Variants in PLCG2 observed in about 807,000 individuals in gnomAD.
The protein encoded by PLCG2 is 1-phosphatidylinositol 4,5-bisphosphate phosphodiesterase gamma-2.
PLCG2 carries 69 observed loss-of-function variants against 175.6 expected under a neutral mutation model. The observed-to-expected ratio is 0.39, with a 90% CI of 0.32 to 0.48. PLCG2 has a LOEUF of 0.48. PLCG2 is among the 20% of genes least tolerant of loss of function. The pLI is 0.91. For missense variants in PLCG2, 1,798 were observed against 1,650.9 expected (o/e 1.09, Z -1.54); for synonymous variants, 827 against 624.0 (o/e 1.33, Z -4.85).
chr16:81,853,330 CA>C (rs10579049), intron 2 of PLCG2, among the ~76,000 whole-genome samples: 31,241 of 143,948 alleles, frequency 0.22, 3,232 homozygotes, highest in African/African-American at 0.24. Flanking sequence ...GATTCTGTCT[CA>C]AAAAAAAAAA....
intron 19 of PLCG2, among the ~76,000 whole-genome samples, chr16:81,913,005 T>C (rs765752386): frequency 3.3e-5 from 5 of 152,206 alleles, no homozygotes; most frequent in African/African-American, 4.8e-5. Context: ...AGGAGGAAAC[T>C]GAGGCACAGC....
intron 32 of PLCG2, among the ~76,000 whole-genome samples, chr16:81,957,295 TCAAACAAACAAA>T (rs140592379): frequency 0.098 from 14,891 of 151,788 alleles, 777 homozygotes; most frequent in Non-Finnish European, 0.12. Context: ...GGAGACTCTG[TCAAACAAACAAA>T]CAAACAAACA....
At chr16:81,771,683 C>G (rs1209131513) in intron 2 of PLCG2, among the ~76,000 whole-genome samples, 1 of 151,860 alleles carries the variant, frequency 6.6e-6, no homozygotes, top group Non-Finnish European at 1.5e-5. Flanking sequence ...CCCCCCAACC[C>G]CCCACCCAAA....
chr16:81,880,143 A>AT (rs1567513372), intron 7 of PLCG2, among the ~76,000 whole-genome samples: 1 of 152,210 alleles, frequency 6.6e-6, no homozygotes, highest in Non-Finnish European at 1.5e-5. Context: ...CAGGAAGCTA[A>AT]TACAGGAAGA....
chr16:81,877,973 A>ATTTTTTT (rs71146052), intron 7 of PLCG2, among the ~76,000 whole-genome samples: 9 of 55,758 alleles, frequency 1.6e-4, no homozygotes, highest in Admixed American at 3.1e-4. Flanking sequence ...TTTTTTTTTA[A>ATTTTTTT]TTTTTTTTTT....
intron 7 of PLCG2, among the ~76,000 whole-genome samples, chr16:81,880,369 G>A (rs919985241): frequency 3.3e-5 from 5 of 152,164 alleles, no homozygotes; most frequent in African/African-American, 1.2e-4. Flanking sequence ...CTGTGTCTAC[G>A]CGCTTTTCCT....
intron 14 of PLCG2, among the ~76,000 whole-genome samples, chr16:81,903,278 C>T (rs188493312): frequency 4.2e-4 from 64 of 152,290 alleles, no homozygotes; most frequent in Non-Finnish European, 7.2e-4. Context: ...ATACATTGGA[C>T]ACAATCCTTA....
chr16:81,909,267 G>A (rs1407239847), intron 17 of PLCG2, among the ~76,000 whole-genome samples: 1 of 152,156 alleles, frequency 6.6e-6, no homozygotes, highest in Non-Finnish European at 1.5e-5. Context: ...GCAACATAAA[G>A]GGACATCCCT....
At chr16:81,904,334 C>G (rs1229648726) in intron 14 of PLCG2, among the ~76,000 whole-genome samples, 3 of 152,174 alleles carry the variant, frequency 2.0e-5, no homozygotes, top group Non-Finnish European at 2.9e-5. Context: ...GGTAATAGGC[C>G]CTGAATTCAA....
intron 7 of PLCG2, 22 bp from the exon 8 acceptor site, chr16:81,880,888 T>C (rs762593153): frequency 1.9e-6 from 3 of 1,613,288 alleles, no homozygotes; most frequent in East Asian, 2.2e-5. Flanking sequence ...GTTCTTTTTT[T>C]TGTGTGTGCT....
intron 22 of PLCG2, among the ~76,000 whole-genome samples, chr16:81,924,300 G>A (rs1010100836): frequency 1.3e-5 from 2 of 152,266 alleles, no homozygotes; most frequent in Non-Finnish European, 2.9e-5. Flanking sequence ...GCACCTCATA[G>A]ACTGGCATTT....
intron 9 of PLCG2, among the ~76,000 whole-genome samples, chr16:81,886,276 A>C (rs1908362055): frequency 6.6e-6 from 1 of 152,174 alleles, no homozygotes; most frequent in Non-Finnish European, 1.5e-5. Context: ...GGGCCAGGAG[A>C]AAGTGTAGGA....
chr16:81,886,245 C>A (rs1368457010), intron 9 of PLCG2, among the ~76,000 whole-genome samples: 1 of 152,148 alleles, frequency 6.6e-6, no homozygotes, highest in Non-Finnish European at 1.5e-5. Flanking sequence ...TGCTGGGCTG[C>A]CCTTAGAGAT....
chr16:81,839,072 A>G (rs931436971), intron 2 of PLCG2, among the ~76,000 whole-genome samples: 1 of 152,108 alleles, frequency 6.6e-6, no homozygotes, highest in Non-Finnish European at 1.5e-5. Flanking sequence ...GTAGAATTTA[A>G]TCATATTGTC....
chr16:81,846,738 A>C (rs1333696406), intron 2 of PLCG2, among the ~76,000 whole-genome samples: 1 of 152,122 alleles, frequency 6.6e-6, no homozygotes, highest in African/African-American at 2.4e-5. Context: ...TCCCAACCAA[A>C]ATCTAATAGA....
intron 30 of PLCG2, among the ~76,000 whole-genome samples, chr16:81,942,341 C>G (rs1287579704): frequency 6.6e-6 from 1 of 152,176 alleles, no homozygotes; most frequent in Non-Finnish European, 1.5e-5. Context: ...AAACAAAGGT[C>G]AAAACCTCAA....
At chr16:81,804,568 A>T (rs1394946203) in intron 2 of PLCG2, among the ~76,000 whole-genome samples, 1 of 152,230 alleles carries the variant, frequency 6.6e-6, no homozygotes, top group Non-Finnish European at 1.5e-5. Context: ...TGTGGCACAA[A>T]AGGACCATTT....
At chr16:81,846,792 G>A (rs1906143053) in intron 2 of PLCG2, among the ~76,000 whole-genome samples, 1 of 152,070 alleles carries the variant, frequency 6.6e-6, no homozygotes, top group Admixed American at 6.6e-5. Flanking sequence ...AATACAGCAC[G>A]AAACACTTCA....
chr16:81,794,662 A>G (rs537729106), intron 2 of PLCG2, among the ~76,000 whole-genome samples: 1 of 152,356 alleles, frequency 6.6e-6, no homozygotes, highest in African/African-American at 2.4e-5. Context: ...TCTTGTGATA[A>G]GTAAATGACG....
Sources: allele counts gnomAD v4.1 joint callset (sites outside exome capture counted in the v4.1 genomes callset), GRCh38; gene constraint gnomAD v4.1.1; transcripts MANE v1.5; gene names NCBI Gene and HGNC (gene_info 2026-07-23, HGNC 2026-07-21).